Variants in CD163L1 observed in about 807,000 individuals in gnomAD.
The protein encoded by CD163L1 is CD163 molecule like 1, also known as scavenger receptor cysteine-rich type 1 protein M160.
In CD163L1, 124 loss-of-function variants were observed where a neutral mutation model predicts 165.4. That is an observed-to-expected ratio of 0.75 (90% CI 0.65 to 0.87). The LOEUF (loss-of-function observed/expected upper bound fraction) is 0.87, where lower values mean the gene tolerates loss of function less well. CD163L1 is among the 40% of genes least tolerant of loss of function. The pLI is 0.00. For synonymous variants in CD163L1, 585 were observed against 662.2 expected, an observed-to-expected ratio of 0.88 and a Z score of 1.79; for missense variants, 1,525 against 1,799.9, an observed-to-expected ratio of 0.85 and a Z score of 2.76.
chr12:7,365,571 A>G (rs1390841808), intron 18 of CD163L1, among the ~76,000 whole-genome samples: 2 of 152,168 alleles, frequency 1.3e-5, no homozygotes, highest in Non-Finnish European at 2.9e-5. Context: ...ATAGAAAAAA[A>G]CCAACTAATC....
the CD163L1 span, among the ~76,000 whole-genome samples, chr12:7,329,335 A>T: frequency 7.7e-6 from 1 of 129,868 alleles, no homozygotes; most frequent in Non-Finnish European, 1.6e-5. Context: ...TACCATATTT[A>T]ATTTTTTTTT....
At chr12:7,326,927 A>G in the CD163L1 span, 5 of 1,535,544 alleles carry the variant, frequency 3.3e-6, no homozygotes, top group African/African-American at 6.9e-5. Context: ...CAAATCCTTG[A>G]TGTGTCTGAA....
chr12:7,406,195 T>C (rs1288240317), intron 5 of CD163L1, among the ~76,000 whole-genome samples: 1 of 152,192 alleles, frequency 6.6e-6, no homozygotes, highest in Non-Finnish European at 1.5e-5. Context: ...ATTTTAAAAT[T>C]ATACTGAATA....
chr12:7,425,063 T>A (rs1212950170), intron 4 of CD163L1, among the ~76,000 whole-genome samples: 1 of 152,174 alleles, frequency 6.6e-6, no homozygotes, highest in African/African-American at 2.4e-5. Context: ...GCTGAAGGCA[T>A]CATGCTACCT....
the CD163L1 span, among the ~76,000 whole-genome samples, chr12:7,331,994 G>T: frequency 6.6e-6 from 1 of 152,140 alleles, no homozygotes; most frequent in Non-Finnish European, 1.5e-5. Flanking sequence ...TGAGCTAAAG[G>T]AGGAAGTTCG....
At chr12:7,417,039 C>A (rs191860212) in intron 4 of CD163L1, among the ~76,000 whole-genome samples, 373 of 152,010 alleles carry the variant, frequency 2.5e-3, no homozygotes, top group African/African-American at 8.6e-3. Context: ...ATTGATCCTC[C>A]CTATTTATGA....
rs1591880760 is a variant in CD163L1 at position 7,367,229 on chromosome 12, C to T, written c.4279+7G>A. On this transcript the variant is annotated splice_region_variant and intron_variant, in intron 18 of 19. Coordinates refer to ENST00000313599, the MANE Select transcript of CD163L1 (RefSeq NM_174941.6). ...CCATGGAGTGCGGCCCCTGGAGTTG[C>T]ACAGACCTGAGGTTCTTGTCCCATG... is the stretch of plus-strand genomic sequence containing the variant. 3 of 1,596,220 alleles carry T rather than the reference C, an allele frequency of 1.9e-6. 1 individual carries two copies. In the East Asian group the frequency reaches 6.7e-5, roughly 36 times the overall value.
At chr12:7,427,792 T>C (rs867170771) in intron 4 of CD163L1, among the ~76,000 whole-genome samples, 31 of 152,114 alleles carry the variant, frequency 2.0e-4, no homozygotes, top group South Asian at 4.1e-4. Context: ...TTCCAAATTA[T>C]AGAGGTTTCA....
chr12:7,405,086 A>G (rs1947991254), intron 5 of CD163L1, among the ~76,000 whole-genome samples: 6 of 152,050 alleles, frequency 3.9e-5, no homozygotes, highest in Admixed American at 3.3e-4. Context: ...CGGTTTTCCA[A>G]CCTTATTTTC....
intron 4 of CD163L1, among the ~76,000 whole-genome samples, chr12:7,424,175 A>C (rs1948495313): frequency 6.6e-6 from 1 of 152,186 alleles, no homozygotes; most frequent in Non-Finnish European, 1.5e-5. Context: ...GGTTCAACAT[A>C]CACAAATCAA....
In CD163L1 at chr12:7,379,178, G is replaced by A. The variant is rs1006892146; in HGVS notation, c.2171C>T (p.Ala724Val). 1.2e-6 allele frequency: 2 copies of A among 1,613,996 alleles called. No homozygotes were observed. The highest frequency in any genetic ancestry group is 3.3e-5 in the Admixed American group (2 of 59,990). ...LCANGWGMNIAEVVCRQLECG... is the reference protein window; with the variant it reads ...LCANGWGMNIVEVVCRQLECG... ...TTCAAGTTGCCTGCAAACAACTTCA[G>A]CAATGTTCATTCCCCAGCCATTAGC... The change falls in exon 9 of 20, where the codon GCT becomes GTT. Residue 724 changes from alanine (A) to valine (V), a missense_variant. Coordinates refer to ENST00000313599, the MANE Select transcript of CD163L1 (RefSeq NM_174941.6).
intron 5 of CD163L1, among the ~76,000 whole-genome samples, chr12:7,404,295 T>C (rs891848029): frequency 6.6e-6 from 1 of 152,154 alleles, no homozygotes; most frequent in African/African-American, 2.4e-5. Flanking sequence ...TTTCAGTAAC[T>C]TCAGAAAGAA....
At chr12:7,333,916 T>C in the CD163L1 span, among the ~76,000 whole-genome samples, 1 of 152,114 alleles carries the variant, frequency 6.6e-6, no homozygotes, top group Non-Finnish European at 1.5e-5. Context: ...CCTGGACACA[T>C]ACACCCTCCC....
chr12:7,324,715 C>A, the CD163L1 span: 2 of 1,105,152 alleles, frequency 1.8e-6, no homozygotes, highest in South Asian at 1.5e-5. Flanking sequence ...ATGAAGCATG[C>A]ATTTGGCCAA....
intron 4 of CD163L1, among the ~76,000 whole-genome samples, chr12:7,419,207 C>A (rs1037001234): frequency 2.0e-5 from 3 of 151,936 alleles, no homozygotes; most frequent in Middle Eastern, 3.2e-3. Context: ...GATGGTTAAA[C>A]AAACACAAGT....
chr12:7,433,752 T>C (rs988940479), intron 2 of CD163L1, 58 bp from the exon 3 acceptor site: 3 of 1,252,822 alleles, frequency 2.4e-6, no homozygotes, highest in African/African-American at 3.0e-5. Context: ...GCAGAAATAA[T>C]ATAAGTAGGT....
At chr12:7,332,692 A>G in the CD163L1 span, among the ~76,000 whole-genome samples, 1 of 152,216 alleles carries the variant, frequency 6.6e-6, no homozygotes, top group Non-Finnish European at 1.5e-5. Flanking sequence ...TAAGCTTCAT[A>G]AGTGAAGGAG....
the CD163L1 span, among the ~76,000 whole-genome samples, chr12:7,327,922 C>T: frequency 4.6e-5 from 7 of 152,236 alleles, no homozygotes; most frequent in South Asian, 1.5e-3. Context: ...CTCAAAACCT[C>T]CAGCATCCAG....
At chr12:7,338,012 G>A in the CD163L1 span, among the ~76,000 whole-genome samples, 4 of 152,166 alleles carry the variant, frequency 2.6e-5, no homozygotes, top group African/African-American at 9.7e-5. Context: ...CATGTGCTTT[G>A]CAGGGACATG....
Sources: allele counts gnomAD v4.1 joint callset (sites outside exome capture counted in the v4.1 genomes callset), GRCh38; gene constraint gnomAD v4.1.1; transcripts MANE v1.5; gene names NCBI Gene and HGNC (gene_info 2026-07-23, HGNC 2026-07-21).